Variants in CCT2 observed in about 807,000 individuals in gnomAD.
CCT2 encodes the protein T-complex protein 1 subunit beta.
CCT2 carries 18 observed loss-of-function variants against 61.8 expected under a neutral mutation model. The observed-to-expected ratio is 0.29, with a 90% CI of 0.20 to 0.43. The LOEUF (loss-of-function observed/expected upper bound fraction) is 0.43. Ranked by LOEUF, CCT2 falls within the 20% of genes least tolerant of loss-of-function variation. CCT2 has a pLI of 1.00. For missense variants in CCT2, 556 were observed against 656.9 expected (o/e 0.85, Z 1.68); for synonymous variants, 248 against 215.9 (o/e 1.15, Z -1.30).
chr12:69,592,860 G>A (rs921528511), intron 8 of CCT2, 116 bp from the exon 9 acceptor site: 2 of 851,688 alleles, frequency 2.3e-6, no homozygotes, highest in African/African-American at 1.7e-5. Context: ...CCCAGCGGGT[G>A]GAGGTTGCAG....
intron 4 of CCT2, 58 bp downstream of exon 4, chr12:69,587,674 A>G: frequency 8.9e-7 from 1 of 1,128,530 alleles, no homozygotes. Flanking sequence ...ACATTTTTGA[A>G]ATAACTTTAT....
rs1287528631 is a variant in CCT2 at position 69,598,014 on chromosome 12, T to C, written c.1278T>C (p.Asn426=). The C allele has an allele frequency of 4.3e-6, 7 of 1,613,940 alleles. No individual in the cohort carries two copies. The African/African-American group carries it at 5.3e-5, about 12-fold the overall frequency. ...CTCATGCTGTGACACAGCTTGCCAATAGAACACCAGGCAAAGAAGCTGTTG... is the reference window on the plus strand; with the variant it reads ...CTCATGCTGTGACACAGCTTGCCAACAGAACACCAGGCAAAGAAGCTGTTG... ...LMAHAVTQLA[N]RTPGKEAVAM... Residue 426 remains asparagine, a synonymous_variant, in exon 13 of 16, where the codon AAT becomes AAC. Coordinates refer to ENST00000299300, the MANE Select transcript of CCT2 (RefSeq NM_006431.3).
At chr12:69,590,042 C>T (rs1881787366) in intron 7 of CCT2, among the ~76,000 whole-genome samples, 1 of 152,162 alleles carries the variant, frequency 6.6e-6, no homozygotes, top group Admixed American at 6.5e-5. Flanking sequence ...ATTGTGTTAG[C>T]TGGTTGTTGA....
rs78004236 is a variant in CCT2, at chr12:69,600,486, C to T, written c.1577+482C>T. On this transcript the variant is annotated intron_variant, in intron 15 of 15. Coordinates refer to ENST00000299300, the MANE Select transcript of CCT2 (RefSeq NM_006431.3). ...TTAGAGATCAGGTATCTTTTATTAG[C>T]AAATTCTGAGTAATTTGCAATAAAG... is the stretch of plus-strand genomic sequence containing the variant. Among the ~76,000 whole-genome samples, 11 of 152,304 alleles carry T rather than the reference C, an allele frequency of 7.2e-5. No homozygotes were observed. The East Asian group carries it at 2.1e-3, about 29-fold the overall frequency.
chr12:69,595,571 G>A (rs910788701), intron 10 of CCT2, among the ~76,000 whole-genome samples: 5 of 151,442 alleles, frequency 3.3e-5, no homozygotes, highest in African/African-American at 4.9e-5. Context: ...GCCTGTAGTC[G>A]CAGCTACTCG....
chr12:69,593,452 A>C (rs1237224082), intron 9 of CCT2, 58 bp from the exon 10 acceptor site: 2 of 1,113,066 alleles, frequency 1.8e-6, no homozygotes, highest in Non-Finnish European at 2.7e-6. Flanking sequence ...TTTTTAGTCT[A>C]ATGTAGTTTA....
rs369508460 is a variant in CCT2 at position 69,587,013 on chromosome 12, C to T, written c.144+195C>T. On this transcript the variant is annotated intron_variant, in intron 3 of 15. Transcript: ENST00000299300. ...CCATGCCCCTCCCCAATGACAAGTA[C>T]TGTTATCATTTGCACGTACATCTTC... 1.9e-3 allele frequency: 875 copies of T among 461,930 alleles called. 13 individuals carry two copies. The South Asian group carries it at 0.022, about 12-fold the overall frequency. The allele number at this position is 461,930 out of a possible 1,614,324, so 28.6% of individuals were successfully genotyped here.
At chr12:69,585,662 C>CGGGGCGT in intron 1 of CCT2, 138 bp downstream of exon 1, 1 of 1,527,692 alleles carries the variant, frequency 6.5e-7, no homozygotes, top group Non-Finnish European at 8.8e-7. Context: ...GAGCCATGCG[C>CGGGGCGT]GGGGCGTGCG....
intron 2 of CCT2, 116 bp downstream of exon 2, chr12:69,586,460 G>A: frequency 2.6e-6 from 2 of 757,286 alleles, no homozygotes; most frequent in Non-Finnish European, 4.5e-6. Context: ...CTGAGGTCAG[G>A]AGTTCGAGAC....
intron 10 of CCT2, among the ~76,000 whole-genome samples, chr12:69,594,454 A>G (rs1196932738): frequency 2.0e-5 from 3 of 152,262 alleles, no homozygotes; most frequent in Non-Finnish European, 2.9e-5. Context: ...TTGTATAATG[A>G]AAATTAGTAT....
At chr12:69,585,956 GC>G in intron 1 of CCT2, 1 of 1,295,678 alleles carries the variant, frequency 7.7e-7, no homozygotes, top group Non-Finnish European at 9.8e-7. Context: ...CACCTTGATG[GC>G]CTGCAACCCC....
At chr12:69,591,720 T>C (rs1377776035) in intron 7 of CCT2, among the ~76,000 whole-genome samples, 1 of 152,242 alleles carries the variant, frequency 6.6e-6, no homozygotes, top group African/African-American at 2.4e-5. Flanking sequence ...AGTGGGATGC[T>C]TTATACCAGA....
rs1367357723 is a variant in CCT2, at chr12:69,597,891, C to A, written c.1232-77C>A. Reference sequence around the variant, plus strand: ...TTGCACTAAATTTTAAAATGCTTGGCATATCTTAAAGTCAGTAATTCAGTA... The same window carrying A: ...TTGCACTAAATTTTAAAATGCTTGGAATATCTTAAAGTCAGTAATTCAGTA... On this transcript the variant is annotated intron_variant, in intron 12 of 15. Coordinates refer to ENST00000299300, the MANE Select transcript of CCT2 (RefSeq NM_006431.3). The A allele has an allele frequency of 3.5e-6, 5 of 1,425,822 alleles. No homozygotes were observed. The East Asian group carries it at 1.2e-4, about 34-fold the overall frequency. 88.3% of individuals were successfully genotyped at this position (1,425,822 alleles called of 1,614,324 possible). A position where few individuals can be genotyped will look rare whatever the true frequency, so the allele number is the denominator to read the frequency against.
chr12:69,585,506 G>A lies in CCT2; in HGVS notation c.-16G>A, dbSNP rs763468533. 1.4e-5 allele frequency: 22 copies of A among 1,565,608 alleles called. No homozygotes were observed. The highest frequency in any genetic ancestry group is 1.9e-5 in the Non-Finnish European group (22 of 1,154,200). ...GCTGTGAGGGGATTCACTTGTGTGC[G>A]GAACTCCTCGGAACCATGGTGAGCC... On this transcript the variant is annotated 5_prime_UTR_variant, in exon 1 of 16. Coordinates refer to ENST00000299300, the MANE Select transcript of CCT2 (RefSeq NM_006431.3).
At position 69,589,873 on chromosome 12, in the gene CCT2, A is replaced by AT. The variant is rs1312885019; in HGVS notation, c.649+188dup. ...ACTCCTCTTCCCGCGCTATTCCAGCATTGTTGATGATCTCTAGAGTTTACT... is the reference window on the plus strand; with the variant it reads ...ACTCCTCTTCCCGCGCTATTCCAGCATTTGTTGATGATCTCTAGAGTTTACT... On this transcript the variant is annotated intron_variant, in intron 7 of 15. Coordinates refer to ENST00000299300, the MANE Select transcript of CCT2 (RefSeq NM_006431.3). 1.9e-5 allele frequency: 11 copies of AT among 591,280 alleles called. No homozygotes were observed. The African/African-American group carries it at 2.0e-4, about 11-fold the overall frequency. The allele number at this position is 591,280 out of a possible 1,614,324, so 36.6% of individuals were successfully genotyped here.
At chr12:69,589,801 A>G in intron 7 of CCT2, 114 bp downstream of exon 7, 1 of 806,948 alleles carries the variant, frequency 1.2e-6, no homozygotes, top group Non-Finnish European at 2.0e-6. Context: ...CTTGAATTTA[A>G]GGACATATCA....
At chr12:69,597,105 A>C in intron 10 of CCT2, 51 bp from the exon 11 acceptor site, 1 of 1,581,010 alleles carries the variant, frequency 6.3e-7, no homozygotes, top group Non-Finnish European at 8.7e-7. Flanking sequence ...ATTAGAAAAC[A>C]GGAATTTTAA....
At chr12:69,585,898 C>T in intron 1 of CCT2, 2 of 1,272,300 alleles carry the variant, frequency 1.6e-6, no homozygotes, top group East Asian at 3.7e-5. Flanking sequence ...CGCAGCCTTC[C>T]GAGGGTGGAA....
At chr12:69,600,085 A>T (rs2135861624) in intron 15 of CCT2, 81 bp downstream of exon 15, 1 of 1,286,058 alleles carries the variant, frequency 7.8e-7, no homozygotes, top group East Asian at 2.6e-5. Context: ...ATTAGAGTTA[A>T]TGAAAAGCAG....
Sources: allele counts gnomAD v4.1 joint callset (sites outside exome capture counted in the v4.1 genomes callset), GRCh38; gene constraint gnomAD v4.1.1; transcripts MANE v1.5; gene names NCBI Gene and HGNC (gene_info 2026-07-23, HGNC 2026-07-21).